Variants in NLGN4X observed in about 807,000 individuals in gnomAD.
The protein encoded by NLGN4X is neuroligin 4 X-linked, also known as neuroligin-4, X-linked.
In NLGN4X, 3 loss-of-function variants were observed where a neutral mutation model predicts 40.3. That is an observed-to-expected ratio of 0.07 (90% CI 0.03 to 0.19). NLGN4X has a LOEUF of 0.19. Among genes scored for constraint, NLGN4X ranks in the 10% least tolerant of loss-of-function variants. The pLI is 1.00. For missense variants in NLGN4X, 382 were observed against 708.3 expected (o/e 0.54, Z 5.23); for synonymous variants, 270 against 306.8 (o/e 0.88, Z 1.25).
intron 3 of NLGN4X, among the ~76,000 whole-genome samples, chrX:5,939,374 C>T (rs951323809): frequency 9.0e-6 from 1 of 111,372 alleles, no homozygotes; most frequent in Admixed American, 9.6e-5. Context: ...CACACACACA[C>T]AGAAGCAGAT....
chrX:5,926,311 T>C, intron 3 of NLGN4X, among the ~76,000 whole-genome samples: 1 of 110,431 alleles, frequency 9.1e-6, no homozygotes, highest in Middle Eastern at 4.7e-3. Context: ...ATAAATTACC[T>C]AGTGTCCAGC....
At chrX:6,216,756 C>A (rs1925125870) in intron 1 of NLGN4X, among the ~76,000 whole-genome samples, 1 of 112,051 alleles carries the variant, frequency 8.9e-6, no homozygotes, top group Non-Finnish European at 1.9e-5. Context: ...AGAATAACAC[C>A]AATCAAATTC....
chrX:5,979,608 A>C, intron 3 of NLGN4X, among the ~76,000 whole-genome samples: 1 of 110,060 alleles, frequency 9.1e-6, no homozygotes. Flanking sequence ...GATGCTGAGC[A>C]CATTTTCATT....
intron 2 of NLGN4X, among the ~76,000 whole-genome samples, chrX:6,116,021 C>T (rs1397546670): frequency 5.5e-5 from 6 of 109,717 alleles, no homozygotes; most frequent in Non-Finnish European, 7.6e-5. Context: ...AGGCTGGGCG[C>T]GGTGGCTCAT....
intron 3 of NLGN4X, among the ~76,000 whole-genome samples, chrX:5,977,039 C>A (rs1009609943): frequency 3.6e-5 from 4 of 112,329 alleles, no homozygotes; most frequent in Admixed American, 9.4e-5. Flanking sequence ...TAATTGGTCT[C>A]ACATACTGGA....
intron 3 of NLGN4X, among the ~76,000 whole-genome samples, chrX:5,929,467 CAT>C (rs1298633492): frequency 9.0e-6 from 1 of 111,240 alleles, no homozygotes; most frequent in Non-Finnish European, 1.9e-5. Flanking sequence ...CACACACACA[CAT>C]ACAAAAATGT....
At chrX:6,141,322 T>G (rs2039943463) in intron 2 of NLGN4X, among the ~76,000 whole-genome samples, 1 of 111,866 alleles carries the variant, frequency 8.9e-6, no homozygotes, top group Non-Finnish European at 1.9e-5. Context: ...AGGCAAAGAA[T>G]CTTGCAATGA....
intron 1 of NLGN4X, among the ~76,000 whole-genome samples, chrX:6,222,565 G>A (rs1257253951): frequency 8.9e-6 from 1 of 112,430 alleles, no homozygotes; most frequent in South Asian, 3.7e-4. Flanking sequence ...TCTTTGAAAT[G>A]TATTCCTCAA....
At chrX:6,197,453 T>TTTTTTTTTTTTTG (rs1327294621) in intron 1 of NLGN4X, among the ~76,000 whole-genome samples, 9 of 106,619 alleles carry the variant, frequency 8.4e-5, no homozygotes, top group Non-Finnish European at 1.6e-4. Context: ...GTATTTTTTA[T>TTTTTTTTTTTTTG]AGAGACGGAG....
chrX:6,216,025 T>C (rs1029781204), intron 1 of NLGN4X, among the ~76,000 whole-genome samples: 44 of 110,548 alleles, frequency 4.0e-4, no homozygotes, highest in African/African-American at 1.5e-3. Flanking sequence ...TACAGGCACG[T>C]GCCACCACAC....
chrX:6,098,369 T>G (rs2038830374), intron 2 of NLGN4X, among the ~76,000 whole-genome samples: 1 of 111,211 alleles, frequency 9.0e-6, no homozygotes, highest in Non-Finnish European at 1.9e-5. Flanking sequence ...AGGAAGAAAT[T>G]GACATGTATG....
At chrX:6,122,948 G>A (rs1396040350) in intron 2 of NLGN4X, among the ~76,000 whole-genome samples, 1 of 109,077 alleles carries the variant, frequency 9.2e-6, no homozygotes, top group Non-Finnish European at 1.9e-5. Flanking sequence ...ATGAAAAATG[G>A]TGGAAAAACA....
At chrX:6,040,831 A>G (rs1450119075) in intron 2 of NLGN4X, among the ~76,000 whole-genome samples, 1 of 112,261 alleles carries the variant, frequency 8.9e-6, no homozygotes, top group Non-Finnish European at 1.9e-5. Context: ...TAATTAATAT[A>G]CCATACACAT....
intron 5 of NLGN4X, among the ~76,000 whole-genome samples, chrX:5,898,981 C>A (rs2031686310): frequency 8.9e-6 from 1 of 112,050 alleles, no homozygotes; most frequent in South Asian, 3.7e-4. Context: ...CAACTGAAGT[C>A]CTTGTCATCC....
At chrX:6,014,474 A>G (rs2036338983) in intron 3 of NLGN4X, among the ~76,000 whole-genome samples, 1 of 111,981 alleles carries the variant, frequency 8.9e-6, no homozygotes, top group South Asian at 3.7e-4. Context: ...CATTAGAGTT[A>G]TAACAAGTTG....
At chrX:5,974,189 T>C (rs1354297283) in intron 3 of NLGN4X, among the ~76,000 whole-genome samples, 1 of 112,363 alleles carries the variant, frequency 8.9e-6, no homozygotes, top group Admixed American at 9.5e-5. Flanking sequence ...ATGGTGTCCC[T>C]GTATGCCTTT....
intron 2 of NLGN4X, among the ~76,000 whole-genome samples, chrX:6,126,620 C>T (rs2039553781): frequency 8.9e-6 from 1 of 111,792 alleles, no homozygotes; most frequent in Admixed American, 9.5e-5. Flanking sequence ...ACATAATGCT[C>T]AAAGTCTTTA....
intron 3 of NLGN4X, among the ~76,000 whole-genome samples, chrX:5,965,892 TG>T (rs2034819600): frequency 8.9e-6 from 1 of 112,009 alleles, no homozygotes; most frequent in African/African-American, 3.2e-5. Flanking sequence ...CTTTATGTGT[TG>T]CCCAAACCCC....
At chrX:5,937,906 C>T (rs895186220) in intron 3 of NLGN4X, among the ~76,000 whole-genome samples, 4 of 112,115 alleles carry the variant, frequency 3.6e-5, no homozygotes, top group Non-Finnish European at 7.5e-5. Context: ...CCCAAAAATA[C>T]GTTGGAGATT....
Sources: gnomAD v4.1 joint callset for allele counts (sites outside exome capture counted in the v4.1 genomes callset) on GRCh38, gnomAD v4.1.1 for gene constraint, MANE v1.5 for transcripts, NCBI Gene and HGNC (gene_info 2026-07-23, HGNC 2026-07-21) for gene names.